Variants in ZNF638 observed in about 807,000 individuals in gnomAD.
The protein encoded by ZNF638 is zinc finger protein 638, also known as CTCL tumor antigen se33-1.
A neutral mutation model predicts 195.6 loss-of-function variants in ZNF638; 46 were observed. That is an observed-to-expected ratio of 0.24 (90% CI 0.19 to 0.30). ZNF638 has a LOEUF of 0.30. ZNF638 is among the 10% of genes least tolerant of loss of function. The probability of loss-of-function intolerance (pLI) is 1.00; values close to 1 mark genes in which losing one functional copy is unlikely to be tolerated. For missense variants in ZNF638, 2,440 were observed against 2,325.3 expected (o/e 1.05, Z -1.01); for synonymous variants, 845 against 772.0 (o/e 1.09, Z -1.57).
chr2:71,406,999 C>G (rs949849108), intron 19 of ZNF638, among the ~76,000 whole-genome samples: 4 of 152,042 alleles, frequency 2.6e-5, no homozygotes, highest in Admixed American at 6.6e-5. Flanking sequence ...GACCCTGTCT[C>G]AAAAATAAAG....
intron 16 of ZNF638, 91 bp downstream of exon 16, chr2:71,402,178 A>G: frequency 7.4e-7 from 1 of 1,356,006 alleles, no homozygotes; most frequent in Non-Finnish European, 9.9e-7. Flanking sequence ...AAAAGGTTTA[A>G]AAGCAGTATC....
At chr2:71,376,179 A>C (rs2079419514) in intron 8 of ZNF638, 1 of 152,248 alleles carries the variant, frequency 6.6e-6, no homozygotes, top group South Asian at 2.1e-4. Flanking sequence ...TAGGTAAAGA[A>C]AATACGAGCA....
At chr2:71,398,852 A>G in intron 12 of ZNF638, 80 bp downstream of exon 12, 1 of 1,268,630 alleles carries the variant, frequency 7.9e-7, no homozygotes, top group Non-Finnish European at 1.1e-6. Flanking sequence ...TTTAGCATCT[A>G]ATACTTGAAG....
chr2:71,340,722 A>G (rs2078748963), intron 1 of ZNF638, among the ~76,000 whole-genome samples: 1 of 151,818 alleles, frequency 6.6e-6, no homozygotes, highest in Admixed American at 6.6e-5. Flanking sequence ...TTGCTTTTTT[A>G]TGATTAGAAA....
chr2:71,428,766 G>A (rs1172704293), intron 25 of ZNF638, 115 bp downstream of exon 25: 1 of 819,604 alleles, frequency 1.2e-6, no homozygotes, highest in Non-Finnish European at 1.9e-6. Flanking sequence ...AGCAGGGGTG[G>A]GAAAAGTCAA....
At chr2:71,352,173 G>A (rs536072525) in intron 2 of ZNF638, among the ~76,000 whole-genome samples, 1 of 152,102 alleles carries the variant, frequency 6.6e-6, no homozygotes, top group Admixed American at 6.5e-5. Context: ...CTTTAGATAT[G>A]CCTGTATAAA....
intron 10 of ZNF638, among the ~76,000 whole-genome samples, chr2:71,382,667 C>G (rs949380841): frequency 6.6e-6 from 1 of 152,088 alleles, no homozygotes; most frequent in African/African-American, 2.4e-5. Context: ...ATCAGTGGAC[C>G]AAATAGGCAT....
intron 10 of ZNF638, among the ~76,000 whole-genome samples, chr2:71,387,662 CA>C (rs1202384861): frequency 2.2e-5 from 1 of 45,312 alleles, no homozygotes. Context: ...AAGACTCTCT[CA>C]AAAAAAAAAA....
At chr2:71,350,395 A>G (rs2078920248) in intron 2 of ZNF638, 124 bp downstream of exon 2, 1 of 955,114 alleles carries the variant, frequency 1.0e-6, no homozygotes, top group Non-Finnish European at 1.6e-6. Flanking sequence ...TTTTAATTGC[A>G]ACCTCAATAC....
chr2:71,396,035 T>A, intron 10 of ZNF638, 106 bp from the exon 11 acceptor site: 1 of 946,160 alleles, frequency 1.1e-6, no homozygotes, highest in Non-Finnish European at 1.7e-6. Context: ...AGTATAGGGC[T>A]GTTTCTTGCA....
chr2:71,399,338 A>C (rs1016632328), intron 12 of ZNF638, among the ~76,000 whole-genome samples: 1 of 152,100 alleles, frequency 6.6e-6, no homozygotes, highest in Non-Finnish European at 1.5e-5. Context: ...AAGGTTAAAC[A>C]TGTGGCTCAT....
Position 71,426,637 on chromosome 2 carries a change from C to A in ZNF638, c.4768C>A (p.Arg1590Ser). 1 of 1,614,152 alleles carries A rather than the reference C, an allele frequency of 6.2e-7. No individual in the cohort carries two copies. The highest frequency in any genetic ancestry group is 1.6e-4 in the Middle Eastern group (1 of 6,062). Residue 1590 changes from arginine to serine, a missense_variant, in exon 24 of 28, where the codon CGT becomes AGT. By Grantham distance (110) the Arg-to-Ser change is moderately radical (BLOSUM62 -1). This residue lies in a region of ZNF638 where 1,883 missense variants were observed against 1,739.1 expected (regional missense o/e 1.08). Coordinates refer to ENST00000264447, the MANE Select transcript of ZNF638 (RefSeq NM_014497.5). Reference sequence around the variant, plus strand: ...GAAAAAGGGGAAAACTTCCACTCCTCGTGGTGTTGAGGGAGAACTATCTTT... The same window carrying A: ...GAAAAAGGGGAAAACTTCCACTCCTAGTGGTGTTGAGGGAGAACTATCTTT... ...KKKKGKTSTP[R>S]GVEGELSFVT...
In ZNF638 at chr2:71,411,207, T is replaced by C. The variant is rs376106676; in HGVS notation, c.3261+2960T>C. Among the ~76,000 whole-genome samples the C allele has an allele frequency of 4.0e-5, 6 of 150,668 alleles. No individual in the cohort carries two copies. In the South Asian group the frequency reaches 8.3e-4, roughly 21 times the overall value. Reference sequence around the variant, plus strand: ...TAGAAATGGGGTTTCACCATGCTGGTCAGGCTGGTCTCGAACTCCTGACCT... The same window carrying C: ...TAGAAATGGGGTTTCACCATGCTGGCCAGGCTGGTCTCGAACTCCTGACCT... On this transcript the variant is annotated intron_variant, in intron 20 of 27. Coordinates refer to ENST00000264447, the MANE Select transcript of ZNF638 (RefSeq NM_014497.5).
At chr2:71,375,114 T>C (rs1179741898) in intron 8 of ZNF638, 1 of 152,236 alleles carries the variant, frequency 6.6e-6, no homozygotes, top group Non-Finnish European at 1.5e-5. Flanking sequence ...TAGTTACTAC[T>C]AGAGTAACCT....
At chr2:71,332,015 A>C (rs1466399451) in intron 1 of ZNF638, 140 bp downstream of exon 1, 22 of 681,424 alleles carry the variant, frequency 3.2e-5, no homozygotes, top group Middle Eastern at 7.5e-4. Context: ...CGGCGGGCAG[A>C]CGGCGGGGGC....
chr2:71,373,437 A>ATTT lies in ZNF638; in HGVS notation c.2265+3457_2265+3459dup, dbSNP rs754117239. On this transcript the variant is annotated intron_variant, in intron 8 of 27. Transcript: ENST00000264447. ...TTATGCATACATATATCAAGTTTGA[A>ATTT]TTTTTTTTTTTTTTTTTTTTTTTTT... Among the ~76,000 whole-genome samples the ATTT allele has an allele frequency of 5.5e-3, 388 of 71,074 alleles. 33 individuals are homozygous for ATTT. The highest frequency in any genetic ancestry group is 0.019 in the Middle Eastern group (1 of 54). The allele number at this position is 71,074 out of a possible 152,430, so 46.6% of individuals were successfully genotyped here.
chr2:71,399,976 AAG>A (rs896467714), intron 13 of ZNF638, 134 bp from the exon 14 acceptor site: 3 of 651,298 alleles, frequency 4.6e-6, no homozygotes, highest in Non-Finnish European at 7.3e-6. Context: ...TTGTTTTTCA[AAG>A]AGAGATGTTT....
chr2:71,407,673 A>C (rs2080132819), intron 19 of ZNF638: 1 of 152,476 alleles, frequency 6.6e-6, no homozygotes, highest in Non-Finnish European at 1.5e-5. Context: ...CTCAAACTGA[A>C]GTTTTCTATC....
chr2:71,354,121 G>T (rs1042808436), intron 2 of ZNF638, among the ~76,000 whole-genome samples: 1 of 152,154 alleles, frequency 6.6e-6, no homozygotes, highest in Non-Finnish European at 1.5e-5. Context: ...ATTGTCAACC[G>T]TGGTTTTAAC....
Sources: allele counts gnomAD v4.1 joint callset (sites outside exome capture counted in the v4.1 genomes callset), GRCh38; gene constraint gnomAD v4.1.1; regional missense constraint gnomAD v4.1.1; transcripts MANE v1.5; gene names NCBI Gene and HGNC (gene_info 2026-07-23, HGNC 2026-07-21).